Variants in KIAA0825 observed in about 807,000 individuals in gnomAD.
The protein encoded by KIAA0825 is KIAA0825.
KIAA0825 carries 119 observed loss-of-function variants against 147.6 expected under a neutral mutation model. The ratio of observed to expected loss-of-function variants is 0.81; its 90% CI spans 0.69 to 0.94. The LOEUF (loss-of-function observed/expected upper bound fraction) is 0.94. KIAA0825 is among the 40% of genes least tolerant of loss of function. KIAA0825 has a pLI of 0.00. For synonymous variants in KIAA0825, 470 were observed against 518.1 expected, an observed-to-expected ratio of 0.91 and a Z score of 1.26; for missense variants, 1,381 against 1,472.7, an observed-to-expected ratio of 0.94 and a Z score of 1.02.
intron 20 of KIAA0825, among the ~76,000 whole-genome samples, chr5:94,276,922 C>T (rs966094573): frequency 3.3e-5 from 5 of 152,024 alleles, no homozygotes; most frequent in African/African-American, 1.2e-4. Flanking sequence ...GGCCTCTCTC[C>T]GCCTCTTTAC....
In KIAA0825 at chr5:94,342,663, G is replaced by A. The variant is rs550344099; in HGVS notation, c.3710+41705C>T. On this transcript the variant is annotated intron_variant, in intron 20 of 20. Coordinates refer to ENST00000682413, the MANE Select transcript of KIAA0825 (RefSeq NM_001145678.3). ...TTACCCTGATGTTTCATTATTTATA[G>A]AAATTAAGGAAGAATTTCAAGTAGG... is the stretch of plus-strand genomic sequence containing the variant. Among the ~76,000 whole-genome samples, 8 of 152,198 alleles carry A rather than the reference G, an allele frequency of 5.3e-5. No homozygotes were observed. In the East Asian group the frequency reaches 1.3e-3, roughly 26 times the overall value.
chr5:94,424,968 TA>T (rs1470255675), intron 14 of KIAA0825, among the ~76,000 whole-genome samples: 2 of 152,016 alleles, frequency 1.3e-5, no homozygotes. Flanking sequence ...AACAGACCAA[TA>T]ACAAGTAACG....
At position 94,589,089 on chromosome 5, in the gene KIAA0825, C is replaced by T. The variant is rs114602014; in HGVS notation, c.-152-6506G>A. ...AATGTAAAAGTGCCGCAAACCAACA[C>T]GGCACAGGTATACCTATGCAACAAA... On this transcript the variant is annotated intron_variant, in intron 1 of 20. Coordinates refer to ENST00000682413, the MANE Select transcript of KIAA0825 (RefSeq NM_001145678.3). 9.5e-3 allele frequency among the ~76,000 whole-genome samples: 1,445 copies of T among 152,188 alleles called. 11 individuals are homozygous for T. Among genetic ancestry groups the T allele is most frequent in the South Asian group, 0.018 (86 of 4,816 alleles).
chr5:94,301,429 C>G (rs1489924706), intron 20 of KIAA0825, among the ~76,000 whole-genome samples: 2 of 151,800 alleles, frequency 1.3e-5, no homozygotes, highest in Non-Finnish European at 2.9e-5. Flanking sequence ...ACCAAAACTA[C>G]TTACTCACCT....
chr5:94,573,270 GTT>G (rs534638768), intron 2 of KIAA0825, among the ~76,000 whole-genome samples: 11 of 124,880 alleles, frequency 8.8e-5, no homozygotes, highest in Admixed American at 8.5e-5. Context: ...CTTTTTAAGT[GTT>G]TTTTTTTTTT....
intron 1 of KIAA0825, chr5:94,593,454 C>T (rs533506588): frequency 9.9e-6 from 7 of 705,394 alleles, no homozygotes; most frequent in East Asian, 2.5e-5. Flanking sequence ...CTGAGGTCAA[C>T]GTTGCAAAAA....
At chr5:94,577,774 T>A (rs942163673) in intron 2 of KIAA0825, among the ~76,000 whole-genome samples, 7 of 152,220 alleles carry the variant, frequency 4.6e-5, no homozygotes, top group African/African-American at 1.7e-4. Flanking sequence ...ACAAACCAGA[T>A]TGGAGACCAT....
intron 20 of KIAA0825, among the ~76,000 whole-genome samples, chr5:94,251,936 A>G (rs1775984122): frequency 6.6e-6 from 1 of 152,006 alleles, no homozygotes; most frequent in South Asian, 2.1e-4. Context: ...TGGAATAAAA[A>G]CTGAATTGAA....
intron 20 of KIAA0825, among the ~76,000 whole-genome samples, chr5:94,160,676 A>C (rs1358436118): frequency 6.7e-6 from 1 of 149,268 alleles, no homozygotes; most frequent in Non-Finnish European, 1.5e-5. Flanking sequence ...ATGTATATTT[A>C]CTATATACAT....
chr5:94,399,659 C>T (rs933432972), intron 16 of KIAA0825, among the ~76,000 whole-genome samples: 16 of 151,796 alleles, frequency 1.1e-4, no homozygotes, highest in African/African-American at 3.4e-4. Context: ...CTGTCTAAGC[C>T]GTATATATGT....
chr5:94,381,582 G>C (rs1748421765), intron 20 of KIAA0825, among the ~76,000 whole-genome samples: 1 of 152,168 alleles, frequency 6.6e-6, no homozygotes, highest in Non-Finnish European at 1.5e-5. Context: ...GCATCTGTGG[G>C]ATTTAGTATC....
chr5:94,359,248 A>T (rs1462502536), intron 20 of KIAA0825, among the ~76,000 whole-genome samples: 1 of 152,202 alleles, frequency 6.6e-6, no homozygotes, highest in Non-Finnish European at 1.5e-5. Flanking sequence ...GGTTGGTAAG[A>T]GGCCTGGGCA....
intron 1 of KIAA0825, among the ~76,000 whole-genome samples, chr5:94,596,824 T>C (rs1417268877): frequency 6.6e-6 from 1 of 152,162 alleles, no homozygotes; most frequent in East Asian, 1.9e-4. Context: ...AGGTATTTTA[T>C]TATTTTTGTG....
rs1562283949 is a variant in KIAA0825, at chr5:94,152,844, AAAAAAAAAAAAT to A, written c.*1151_*1162del. 75 of 36,270 alleles carry A rather than the reference AAAAAAAAAAAAT, an allele frequency of 2.1e-3. No homozygotes were observed. The highest frequency in any genetic ancestry group is 3.0e-3 in the Non-Finnish European group (54 of 18,272). The allele number at this position is 36,270 out of a possible 1,614,324, so 2.2% of individuals were successfully genotyped here. A position where few individuals can be genotyped will look rare whatever the true frequency, so the allele number is the denominator to read the frequency against. ...ATGAAAAAAAAAAAAAAAAAAAAAA[AAAAAAAAAAAAT>A]TATATATATATATATATATATATAT... On this transcript the variant is annotated 3_prime_UTR_variant, in exon 21 of 21. Coordinates refer to ENST00000682413, the MANE Select transcript of KIAA0825 (RefSeq NM_001145678.3).
chr5:94,388,279 C>T (rs1046649010), intron 18 of KIAA0825, among the ~76,000 whole-genome samples: 1 of 152,174 alleles, frequency 6.6e-6, no homozygotes, highest in African/African-American at 2.4e-5. Context: ...TCCCGCCACT[C>T]ACCTCCTGCT....
chr5:94,516,800 A>AG (rs1767333182), intron 5 of KIAA0825, among the ~76,000 whole-genome samples: 1 of 141,364 alleles, frequency 7.1e-6, no homozygotes, highest in Admixed American at 7.1e-5. Flanking sequence ...AAAAAAAAAA[A>AG]AAAAAGAAAA....
chr5:94,563,069 C>T (rs893266606), intron 2 of KIAA0825, among the ~76,000 whole-genome samples: 37 of 152,034 alleles, frequency 2.4e-4, no homozygotes, highest in Middle Eastern at 3.4e-3. Flanking sequence ...GAGCTGGGCA[C>T]GGTAGCTCAC....
rs577516292 is a variant in KIAA0825, at chr5:94,266,622, A to T, written c.3711-112498T>A. On this transcript the variant is annotated intron_variant, in intron 20 of 20. Coordinates refer to ENST00000682413, the MANE Select transcript of KIAA0825 (RefSeq NM_001145678.3). ...TCAACCAAAGCAACATATGAAACAG[A>T]TTCAGTGCAGAAGCAGACATGATAA... 2.6e-5 allele frequency among the ~76,000 whole-genome samples: 4 copies of T among 152,330 alleles called. No individual in the cohort carries two copies. In the East Asian group the frequency reaches 7.7e-4, roughly 29 times the overall value.
intron 13 of KIAA0825, among the ~76,000 whole-genome samples, chr5:94,452,383 GA>G (rs888769685): frequency 6.6e-6 from 1 of 152,122 alleles, no homozygotes; most frequent in Non-Finnish European, 1.5e-5. Context: ...AGCTGTACAT[GA>G]TATTTTTATT....
Sources: gnomAD v4.1 joint callset for allele counts (sites outside exome capture counted in the v4.1 genomes callset) on GRCh38, gnomAD v4.1.1 for gene constraint, MANE v1.5 for transcripts, NCBI Gene and HGNC (gene_info 2026-07-23, HGNC 2026-07-21) for gene names.